TACR1: variants seen among roughly 807,000 people sequenced by gnomAD.
TACR1 encodes the protein substance-P receptor.
TACR1 carries 25 observed loss-of-function variants against 35.8 expected under a neutral mutation model. That is an observed-to-expected ratio of 0.70 (90% CI 0.51 to 0.98). TACR1 has a LOEUF of 0.98. Ranked by LOEUF, TACR1 falls within the 50% of genes least tolerant of loss-of-function variation. The pLI is 0.00. For missense variants in TACR1, 478 were observed against 522.9 expected, an observed-to-expected ratio of 0.91 and a Z score of 0.84; for synonymous variants, 195 against 206.7, an observed-to-expected ratio of 0.94 and a Z score of 0.48.
intron 2 of TACR1, among the ~76,000 whole-genome samples, chr2:75,095,215 A>T (rs1241670993): frequency 6.6e-6 from 1 of 151,982 alleles, no homozygotes; most frequent in African/African-American, 2.4e-5. Flanking sequence ...ATGTGGCTGG[A>T]TTTCACCCTT....
chr2:75,146,236 T>C (rs1674509074), intron 1 of TACR1, among the ~76,000 whole-genome samples: 1 of 152,098 alleles, frequency 6.6e-6, no homozygotes, highest in Non-Finnish European at 1.5e-5. Context: ...AATTCTCCCA[T>C]CTCAGCCTCT....
intron 2 of TACR1, among the ~76,000 whole-genome samples, chr2:75,071,599 C>T (rs189575320): frequency 6.6e-6 from 1 of 152,330 alleles, no homozygotes. Flanking sequence ...CTTCTCCACT[C>T]CCTATGTTAT....
intron 1 of TACR1, among the ~76,000 whole-genome samples, chr2:75,153,109 G>A (rs1674711055): frequency 1.3e-5 from 2 of 152,110 alleles, no homozygotes; most frequent in African/African-American, 4.8e-5. Context: ...CACTATATTG[G>A]CCAGGCTAGT....
At chr2:75,195,280 G>C (rs1572995685) in intron 1 of TACR1, among the ~76,000 whole-genome samples, 1 of 152,040 alleles carries the variant, frequency 6.6e-6, no homozygotes, top group Admixed American at 6.5e-5. Context: ...CTAGGTAACT[G>C]CTGCCTTCAA....
At chr2:75,184,470 G>A (rs527250629) in intron 1 of TACR1, among the ~76,000 whole-genome samples, 1 of 151,992 alleles carries the variant, frequency 6.6e-6, no homozygotes, top group Admixed American at 6.5e-5. Flanking sequence ...GACACTAGAT[G>A]TAAGATTAAA....
intron 1 of TACR1, among the ~76,000 whole-genome samples, chr2:75,177,558 A>G (rs1283723155): frequency 6.6e-6 from 1 of 152,152 alleles, no homozygotes; most frequent in East Asian, 1.9e-4. Flanking sequence ...AAGTCCAACA[A>G]TTCTTAATAC....
At chr2:75,109,564 A>C (rs1361309767) in intron 2 of TACR1, among the ~76,000 whole-genome samples, 1 of 152,208 alleles carries the variant, frequency 6.6e-6, no homozygotes, top group African/African-American at 2.4e-5. Flanking sequence ...AAACAGGTGG[A>C]AATTCAAAGT....
chr2:75,156,148 T>C (rs1211551122), intron 1 of TACR1: 1 of 152,208 alleles, frequency 6.6e-6, no homozygotes, highest in African/African-American at 2.4e-5. Flanking sequence ...ATATTGTGCA[T>C]ACAAATTATT....
intron 3 of TACR1, among the ~76,000 whole-genome samples, chr2:75,052,693 T>A (rs927734635): frequency 1.3e-5 from 2 of 152,172 alleles, no homozygotes; most frequent in African/African-American, 4.8e-5. Flanking sequence ...ATTTACTTAT[T>A]TATAAGTGCC....
chr2:75,118,235 A>G (rs1194190289), intron 2 of TACR1, among the ~76,000 whole-genome samples: 2 of 152,256 alleles, frequency 1.3e-5, no homozygotes, highest in Non-Finnish European at 2.9e-5. Flanking sequence ...TGTATTATGA[A>G]GGATACTGAC....
intron 2 of TACR1, among the ~76,000 whole-genome samples, chr2:75,069,443 TA>T (rs1450257861): frequency 6.6e-6 from 1 of 152,222 alleles, no homozygotes; most frequent in Non-Finnish European, 1.5e-5. Context: ...TCACAGTGGC[TA>T]TTCCACAGCC....
intron 1 of TACR1, chr2:75,187,505 T>C (rs1165548899): frequency 1.3e-5 from 2 of 152,256 alleles, no homozygotes; most frequent in Non-Finnish European, 2.9e-5. Context: ...TTCCGAGGTC[T>C]AAGTTTGTTT....
At chr2:75,054,715 T>C (rs1325673984) in intron 2 of TACR1, among the ~76,000 whole-genome samples, 1 of 152,152 alleles carries the variant, frequency 6.6e-6, no homozygotes, top group African/African-American at 2.4e-5. Flanking sequence ...TTTTCTTAGA[T>C]GTGAGTATAA....
rs1331010550 is a variant in TACR1, at chr2:75,046,992, G to A, written c.*2440C>T. 6.6e-6 allele frequency: 1 copy of A among 152,216 alleles called. No individual in the cohort carries two copies. The highest frequency in any genetic ancestry group is 2.4e-5 in the African/African-American group (1 of 41,448). The allele number at this position is 152,216 out of a possible 1,614,324, so 9.4% of individuals were successfully genotyped here. The stretch of plus-strand genomic sequence containing the variant: ...TGACCCATGCACAGTACAAATCATG[G>A]TGTTTCTTACATGTGGGAGTTGATG... On this transcript the variant is annotated 3_prime_UTR_variant, in exon 5 of 5. Transcript: ENST00000305249.
intron 2 of TACR1, among the ~76,000 whole-genome samples, chr2:75,069,601 A>G (rs1038548278): frequency 6.6e-6 from 1 of 152,192 alleles, no homozygotes; most frequent in Non-Finnish European, 1.5e-5. Flanking sequence ...AAGATCTCAC[A>G]TTAAGTTTAC....
intron 1 of TACR1, among the ~76,000 whole-genome samples, chr2:75,135,112 G>T (rs1674252610): frequency 6.6e-6 from 1 of 152,136 alleles, no homozygotes; most frequent in South Asian, 2.1e-4. Context: ...TCCTTAGTTT[G>T]GATTCTCTGG....
intron 1 of TACR1, 121 bp from the exon 2 acceptor site, chr2:75,120,889 C>T (rs1220694944): frequency 2.0e-5 from 16 of 817,846 alleles, no homozygotes; most frequent in Non-Finnish European, 2.2e-5. Context: ...ATGATTTGTA[C>T]AATTATTTTC....
At chr2:75,145,224 G>T (rs943442544) in intron 1 of TACR1, among the ~76,000 whole-genome samples, 48 of 152,002 alleles carry the variant, frequency 3.2e-4, no homozygotes, top group African/African-American at 1.2e-3. Context: ...GATAGAAATA[G>T]AATAATATGT....
At chr2:75,115,680 G>T (rs1452815545) in intron 2 of TACR1, among the ~76,000 whole-genome samples, 1 of 152,054 alleles carries the variant, frequency 6.6e-6, no homozygotes, top group Non-Finnish European at 1.5e-5. Flanking sequence ...GCCGAGGCGG[G>T]TGGATCACGA....
Sources: gnomAD v4.1 joint callset for allele counts (sites outside exome capture counted in the v4.1 genomes callset) on GRCh38, gnomAD v4.1.1 for gene constraint, MANE v1.5 for transcripts, NCBI Gene and HGNC (gene_info 2026-07-23, HGNC 2026-07-21) for gene names.